The following ALK variants were observed in gnomAD, a reference collection of about 807,000 sequenced individuals.
ALK encodes the protein ALK receptor tyrosine kinase, also known as ALK tyrosine kinase receptor.
Under a neutral mutation model 163.1 loss-of-function variants are expected in ALK, and 74 were observed. The observed-to-expected ratio is 0.45, with a 90% CI of 0.38 to 0.55. The LOEUF is 0.55. Ranked by LOEUF, ALK falls within the 20% of genes least tolerant of loss-of-function variation. The probability of loss-of-function intolerance (pLI) is 0.00; values close to 1 mark genes in which losing one functional copy is unlikely to be tolerated. For missense variants in ALK, 2,063 were observed against 2,105.3 expected (o/e 0.98, Z 0.39); for synonymous variants, 960 against 843.2 (o/e 1.14, Z -2.40).
intron 5 of ALK, among the ~76,000 whole-genome samples, chr2:29,339,229 C>T (rs375944443): frequency 4.8e-5 from 7 of 144,514 alleles, no homozygotes; most frequent in East Asian, 2.0e-4. Flanking sequence ...GGTGACAGGG[C>T]GAGACTCTAT....
At chr2:29,475,589 T>C (rs1229511275) in intron 4 of ALK, among the ~76,000 whole-genome samples, 1 of 152,152 alleles carries the variant, frequency 6.6e-6, no homozygotes, top group Non-Finnish European at 1.5e-5. Flanking sequence ...GAGGCAGCTG[T>C]CGCCATCCTC....
At chr2:29,337,159 C>G (rs1322051939) in intron 5 of ALK, among the ~76,000 whole-genome samples, 1 of 152,184 alleles carries the variant, frequency 6.6e-6, no homozygotes, top group Non-Finnish European at 1.5e-5. Flanking sequence ...GGCCTGAGAA[C>G]TGTGTAAATT....
At chr2:29,810,981 C>T (rs1284062012) in intron 1 of ALK, among the ~76,000 whole-genome samples, 3 of 152,052 alleles carry the variant, frequency 2.0e-5, no homozygotes, top group Non-Finnish European at 4.4e-5. Context: ...TCACCAGAAG[C>T]CAACTCTGAC....
chr2:29,629,682 G>A (rs758702749), intron 3 of ALK, among the ~76,000 whole-genome samples: 18 of 152,088 alleles, frequency 1.2e-4, no homozygotes, highest in Non-Finnish European at 2.5e-4. Context: ...ACTGAGTAAT[G>A]TTACTCAGTA....
chr2:29,894,071 C>T (rs969217085), intron 1 of ALK, among the ~76,000 whole-genome samples: 1 of 152,140 alleles, frequency 6.6e-6, no homozygotes, highest in African/African-American at 2.4e-5. Context: ...AATTTAAGTG[C>T]TCATAAACTT....
At chr2:29,494,994 T>C (rs1445072497) in intron 4 of ALK, among the ~76,000 whole-genome samples, 1 of 152,236 alleles carries the variant, frequency 6.6e-6, no homozygotes, top group African/African-American at 2.4e-5. Flanking sequence ...TCACCTGCGA[T>C]AGCAGACTGT....
intron 4 of ALK, among the ~76,000 whole-genome samples, chr2:29,529,856 T>G (rs1673071891): frequency 1.3e-5 from 2 of 152,250 alleles, no homozygotes; most frequent in South Asian, 4.1e-4. Flanking sequence ...TCCTCTCTCC[T>G]GCTCAACTCA....
At chr2:29,503,430 T>C (rs1247522049) in intron 4 of ALK, among the ~76,000 whole-genome samples, 1 of 152,178 alleles carries the variant, frequency 6.6e-6, no homozygotes, top group African/African-American at 2.4e-5. Context: ...TTGGTGGAGA[T>C]GGAAAAGCCG....
chr2:29,497,130 G>A (rs1020323381), intron 4 of ALK, among the ~76,000 whole-genome samples: 5 of 152,142 alleles, frequency 3.3e-5, no homozygotes, highest in African/African-American at 7.2e-5. Context: ...AAATTATCCA[G>A]GCATGGTGGT....
At position 29,691,540 on chromosome 2, in the gene ALK, T is replaced by C. The variant is rs933923529; in HGVS notation, c.952+3310A>G. Among the ~76,000 whole-genome samples, 5 of 152,168 alleles carry C rather than the reference T, an allele frequency of 3.3e-5. No homozygotes were observed. In the East Asian group the frequency reaches 7.7e-4, roughly 23 times the overall value. ...CATTTACTTTAAAAAAAACAGATAT[T>C]CCAATCCTGATTCATCTAATGGGAA... On this transcript the variant is annotated intron_variant, in intron 3 of 28. Coordinates refer to ENST00000389048, the MANE Select transcript of ALK (RefSeq NM_004304.5).
At chr2:29,750,096 T>C (rs1270485969) in intron 1 of ALK, among the ~76,000 whole-genome samples, 3 of 152,210 alleles carry the variant, frequency 2.0e-5, no homozygotes, top group African/African-American at 2.4e-5. Flanking sequence ...GCCGAGGGCA[T>C]GATTGCATGG....
chr2:29,732,868 C>A (rs1215361387), intron 1 of ALK, among the ~76,000 whole-genome samples: 1 of 150,736 alleles, frequency 6.6e-6, no homozygotes, highest in East Asian at 2.0e-4. Context: ...GAACAATAAA[C>A]TTCTGTTGTT....
chr2:29,449,922 T>A (rs943241898), intron 4 of ALK, among the ~76,000 whole-genome samples: 1 of 152,218 alleles, frequency 6.6e-6, no homozygotes, highest in African/African-American at 2.4e-5. Context: ...ATTGGGAACA[T>A]AGGTCTTGAA....
At chr2:29,530,018 A>ATT in intron 4 of ALK, among the ~76,000 whole-genome samples, 1 of 149,488 alleles carries the variant, frequency 6.7e-6, no homozygotes, top group South Asian at 2.1e-4. Context: ...GGCAAGTCCC[A>ATT]GGGCTCATTT....
intron 11 of ALK, among the ~76,000 whole-genome samples, chr2:29,262,328 G>A (rs1047119965): frequency 6.6e-6 from 1 of 152,116 alleles, no homozygotes; most frequent in Non-Finnish European, 1.5e-5. Flanking sequence ...ATTTATTTGC[G>A]TGTATGTGCA....
intron 9 of ALK, among the ~76,000 whole-genome samples, chr2:29,284,344 C>T (rs1665793234): frequency 6.6e-6 from 1 of 152,134 alleles, no homozygotes; most frequent in African/African-American, 2.4e-5. Context: ...ATAGATAGAA[C>T]TGGATTCTTT....
intron 25 of ALK, 26 bp downstream of exon 25, chr2:29,209,760 G>T (rs758963152): frequency 3.8e-6 from 6 of 1,571,700 alleles, no homozygotes; most frequent in Middle Eastern, 3.4e-4. Flanking sequence ...AGACAGGCCC[G>T]GAGGGGTGAG....
At chr2:29,441,155 A>G (rs1670531951) in intron 4 of ALK, among the ~76,000 whole-genome samples, 1 of 152,220 alleles carries the variant, frequency 6.6e-6, no homozygotes, top group Admixed American at 6.5e-5. Flanking sequence ...CCTACTCTAG[A>G]TCTGTCTATG....
At chr2:29,767,603 C>T (rs995824829) in intron 1 of ALK, among the ~76,000 whole-genome samples, 6 of 152,096 alleles carry the variant, frequency 3.9e-5, no homozygotes, top group East Asian at 1.9e-4. Flanking sequence ...CATTAGGATG[C>T]GTGTATTCAT....
Sources: allele counts gnomAD v4.1 joint callset (sites outside exome capture counted in the v4.1 genomes callset), GRCh38; gene constraint gnomAD v4.1.1; transcripts MANE v1.5; gene names NCBI Gene and HGNC (gene_info 2026-07-23, HGNC 2026-07-21).